Variants in ZNF536 observed in about 807,000 individuals in gnomAD.
ZNF536 encodes the protein zinc finger protein 536.
ZNF536 carries 13 observed loss-of-function variants against 84.5 expected under a neutral mutation model. The observed-to-expected ratio is 0.15, with a 90% CI of 0.10 to 0.24. The LOEUF is 0.24. ZNF536 is among the 10% of genes least tolerant of loss of function. ZNF536 has a pLI of 1.00. For missense variants in ZNF536, 1,536 were observed against 1,747.5 expected (o/e 0.88, Z 2.16); for synonymous variants, 811 against 742.5 (o/e 1.09, Z -1.50).
At chr19:30,338,513 ATGGTGCTGCTACTGC>A in intron 2 of ZNF536, among the ~76,000 whole-genome samples, 1 of 151,590 alleles carries the variant, frequency 6.6e-6, no homozygotes, top group Non-Finnish European at 1.5e-5. Context: ...GATGATGATG[ATGGTGCTGCTACTGC>A]TGATGATGGT....
chr19:30,501,980 G>C (rs2054969938), intron 2 of ZNF536, among the ~76,000 whole-genome samples: 1 of 152,194 alleles, frequency 6.6e-6, no homozygotes, highest in African/African-American at 2.4e-5. Flanking sequence ...GAGACACTTT[G>C]GGATACTGAG....
intron 2 of ZNF536, among the ~76,000 whole-genome samples, chr19:30,486,999 T>TA (rs2054326578): frequency 6.6e-6 from 1 of 152,212 alleles, no homozygotes; most frequent in Non-Finnish European, 1.5e-5. Flanking sequence ...TTTGGTCTAT[T>TA]GAATGATAAC....
chr19:30,270,998 C>A (rs895487658), intron 1 of ZNF536, among the ~76,000 whole-genome samples: 12 of 151,982 alleles, frequency 7.9e-5, no homozygotes, highest in African/African-American at 2.7e-4. Flanking sequence ...TACCTGTGGG[C>A]AGAAGAGAGA....
At chr19:30,497,386 T>G (rs779947768) in intron 2 of ZNF536, among the ~76,000 whole-genome samples, 3 of 152,186 alleles carry the variant, frequency 2.0e-5, no homozygotes, top group Non-Finnish European at 4.4e-5. Flanking sequence ...ACGCATCCAG[T>G]GTAGATGAGA....
chr19:30,655,348 T>C (rs1377663060), intron 1 of ZNF536, among the ~76,000 whole-genome samples: 2 of 152,190 alleles, frequency 1.3e-5, no homozygotes, highest in Non-Finnish European at 2.9e-5. Context: ...AATAAAAGAA[T>C]CTATTACATA....
intron 1 of ZNF536, among the ~76,000 whole-genome samples, chr19:30,661,505 G>A (rs933352988): frequency 2.6e-4 from 39 of 152,172 alleles, no homozygotes; most frequent in African/African-American, 9.2e-4. Context: ...TTTTGGGGGG[G>A]CCAAATAAAA....
chr19:30,711,202 A>G (rs1038968924), exon 2 of ZNF536: 12 of 152,028 alleles, frequency 7.9e-5, no homozygotes, highest in African/African-American at 2.7e-4. Flanking sequence ...TGGCTGCTAA[A>G]CTGTTACCCG....
downstream of ZNF536, among the ~76,000 whole-genome samples, chr19:30,561,201 A>G (rs1458963990): frequency 6.6e-6 from 1 of 152,202 alleles, no homozygotes. Context: ...TAATTTACCA[A>G]ATTATTGCTC....
At chr19:30,526,286 A>C (rs1334345881) in intron 2 of ZNF536, among the ~76,000 whole-genome samples, 1 of 152,158 alleles carries the variant, frequency 6.6e-6, no homozygotes, top group Non-Finnish European at 1.5e-5. Context: ...GCCCATAGCC[A>C]CCCCTTGGGG....
At chr19:30,566,349 C>T (rs1420537234) in intron 1 of ZNF536, among the ~76,000 whole-genome samples, 1 of 152,212 alleles carries the variant, frequency 6.6e-6, no homozygotes, top group African/African-American at 2.4e-5. Flanking sequence ...ATCTGGTCCT[C>T]CGAACTCACC....
intron 1 of ZNF536, among the ~76,000 whole-genome samples, chr19:30,595,284 CT>C (rs918917290): frequency 1.3e-5 from 2 of 151,920 alleles, no homozygotes; most frequent in African/African-American, 4.8e-5. Flanking sequence ...AATCACGGTT[CT>C]TTTTTTTAAT....
intron 1 of ZNF536, among the ~76,000 whole-genome samples, chr19:30,408,236 G>A (rs553875583): frequency 2.6e-5 from 4 of 152,300 alleles, no homozygotes; most frequent in South Asian, 2.1e-4. Context: ...TATAGACCAT[G>A]GGGAGAAGGG....
chr19:30,484,254 G>A lies in ZNF536; in HGVS notation c.2170+38522G>A, dbSNP rs192460713. On this transcript the variant is annotated intron_variant, in intron 2 of 4. Transcript: ENST00000355537. ...TTTTTTTTTTTTTTTTTGAGATGGA[G>A]TCTAGCTCTGTCACCAGACTGGAGT... Among the ~76,000 whole-genome samples, 883 of 144,458 alleles carry A rather than the reference G, an allele frequency of 6.1e-3. 3 individuals are homozygous for A. Among genetic ancestry groups the A allele is most frequent in the Non-Finnish European group, 9.8e-3 (651 of 66,562 alleles). The allele number at this position is 144,458 out of a possible 152,430, so 94.8% of individuals were successfully genotyped here.
At chr19:30,347,099 T>A (rs1422403391) in intron 2 of ZNF536, among the ~76,000 whole-genome samples, 5 of 129,622 alleles carry the variant, frequency 3.9e-5, no homozygotes, top group Non-Finnish European at 6.2e-5. Context: ...ATCAGCGATG[T>A]TGAAGGGCTT....
upstream of ZNF536, among the ~76,000 whole-genome samples, chr19:30,368,187 C>T (rs1214842009): frequency 6.6e-6 from 1 of 152,250 alleles, no homozygotes; most frequent in Non-Finnish European, 1.5e-5. Flanking sequence ...GAGGGCAGAG[C>T]TGGCTGCAGC....
chr19:30,398,144 A>C (rs894756605), intron 1 of ZNF536, among the ~76,000 whole-genome samples: 16 of 152,164 alleles, frequency 1.1e-4, no homozygotes, highest in African/African-American at 2.9e-4. Flanking sequence ...ACTACAATGT[A>C]CCTGGCCACT....
Position 30,478,777 on chromosome 19 carries a change from G to A in ZNF536, c.2170+33045G>A, listed in dbSNP as rs548177216. Among the ~76,000 whole-genome samples, 175 of 152,250 alleles carry A rather than the reference G, an allele frequency of 1.1e-3. 3 individuals carry two copies. The highest frequency in any genetic ancestry group is 3.9e-3 in the African/African-American group (162 of 41,550). Reference sequence around the variant, plus strand: ...CTCCCAAGGCCAAGGGACAAAATGTGGTATAGCTTCGAGTCTTGAGCCTTG... The same window carrying A: ...CTCCCAAGGCCAAGGGACAAAATGTAGTATAGCTTCGAGTCTTGAGCCTTG... On this transcript the variant is annotated intron_variant, in intron 2 of 4. Transcript: ENST00000355537.
chr19:30,465,358 C>T (rs1255676807), intron 2 of ZNF536, among the ~76,000 whole-genome samples: 1 of 152,156 alleles, frequency 6.6e-6, no homozygotes, highest in Non-Finnish European at 1.5e-5. Context: ...CCAGTCACCC[C>T]CTGAAGATGT....
intron 1 of ZNF536, among the ~76,000 whole-genome samples, chr19:30,680,532 T>C (rs2147816452): frequency 6.6e-6 from 1 of 151,848 alleles, no homozygotes; most frequent in South Asian, 2.1e-4. Context: ...GATAGCTTAC[T>C]GAGAATGATG....
Sources: allele counts gnomAD v4.1 joint callset (sites outside exome capture counted in the v4.1 genomes callset), GRCh38; gene constraint gnomAD v4.1.1; transcripts MANE v1.5; gene names NCBI Gene and HGNC (gene_info 2026-07-23, HGNC 2026-07-21).